MPP7: variants seen among roughly 807,000 people sequenced by gnomAD.
MPP7 encodes the protein MAGUK p55 subfamily member 7.
In MPP7, 60 loss-of-function variants were observed where a neutral mutation model predicts 76.5. That is an observed-to-expected ratio of 0.78 (90% CI 0.64 to 0.97). MPP7 has a LOEUF of 0.97. Among genes scored for constraint, MPP7 ranks in the 50% least tolerant of loss-of-function variants. MPP7 has a pLI of 0.00. For synonymous variants in MPP7, 237 were observed against 244.5 expected, an observed-to-expected ratio of 0.97 and a Z score of 0.29; for missense variants, 641 against 694.0, an observed-to-expected ratio of 0.92 and a Z score of 0.86.
At chr10:28,152,385 T>C (rs1835912695) in intron 3 of MPP7, among the ~76,000 whole-genome samples, 1 of 152,224 alleles carries the variant, frequency 6.6e-6, no homozygotes, top group Non-Finnish European at 1.5e-5. Flanking sequence ...CTCTAAATAA[T>C]TTTGAGCTGT....
intron 1 of MPP7, among the ~76,000 whole-genome samples, chr10:28,302,636 C>T (rs1841188421): frequency 6.6e-6 from 1 of 152,022 alleles, no homozygotes; most frequent in South Asian, 2.1e-4. Context: ...CCTCAGGGTC[C>T]CGCCCGAGGC....
At chr10:28,333,424 C>T (rs756842254) in intron 1 of MPP7, among the ~76,000 whole-genome samples, 2 of 152,202 alleles carry the variant, frequency 1.3e-5, no homozygotes, top group South Asian at 2.1e-4. Flanking sequence ...GGATTACAGG[C>T]GTGAGCCACT....
At position 28,149,984 on chromosome 10, in the gene MPP7, C is replaced by T. The variant is rs773689377; in HGVS notation, c.232G>A (p.Asp78Asn). 4.3e-6 allele frequency: 7 copies of T among 1,612,738 alleles called. No homozygotes were observed. The Admixed American group carries it at 1.2e-4, about 27-fold the overall frequency. ...TGAGCTCGGAGAGTCACACTTACAT[C>T]ATCGGCCAAGGCCGCCGCACCATGG... Reference protein sequence around the residue: ...ILHGAAALADDLAEELQNKPL... With the variant: ...ILHGAAALADNLAEELQNKPL... Residue 78 changes from aspartate (D) to asparagine (N), a missense_variant and splice_region_variant, in exon 4 of 17, where the codon GAT becomes AAT. Transcript: ENST00000683449.
intron 1 of MPP7, among the ~76,000 whole-genome samples, chr10:28,333,493 C>A (rs901942717): frequency 6.6e-6 from 1 of 152,158 alleles, no homozygotes; most frequent in Non-Finnish European, 1.5e-5. Context: ...GTTTAGCACA[C>A]ATCATAAATT....
chr10:28,160,492 C>G (rs1016940429), intron 3 of MPP7, among the ~76,000 whole-genome samples: 1 of 152,030 alleles, frequency 6.6e-6, no homozygotes, highest in Non-Finnish European at 1.5e-5. Context: ...GTACAGATGC[C>G]AACTCAGTGA....
chr10:28,119,042 AAAG>A (rs1472283924), intron 11 of MPP7: 2 of 985,294 alleles, frequency 2.0e-6, no homozygotes, highest in African/African-American at 3.5e-5. Flanking sequence ...GAAATAAAGA[AAAG>A]CTGACAGAAG....
upstream of MPP7, among the ~76,000 whole-genome samples, chr10:28,306,490 A>T (rs1313090366): frequency 2.6e-5 from 4 of 152,038 alleles, no homozygotes; most frequent in African/African-American, 9.7e-5. Context: ...TTTACAAAAA[A>T]TTTAAAAATT....
intron 3 of MPP7, among the ~76,000 whole-genome samples, chr10:28,151,442 G>A (rs1036191686): frequency 6.6e-6 from 1 of 152,072 alleles, no homozygotes; most frequent in Non-Finnish European, 1.5e-5. Flanking sequence ...AATAATTATC[G>A]AGAATTAAGA....
chr10:28,220,288 T>A (rs1838456929), intron 2 of MPP7, among the ~76,000 whole-genome samples: 2 of 152,162 alleles, frequency 1.3e-5, no homozygotes, highest in South Asian at 2.1e-4. Context: ...GTAGTTTGAT[T>A]TTTAGCAGTA....
Position 28,059,646 on chromosome 10 carries a change from A to C in MPP7, c.1298+4T>G. On this transcript the variant is annotated splice_donor_region_variant and intron_variant, in intron 14 of 16. Transcript: ENST00000683449. ...CATGAAAATTCTCAAAAATGTCCAC[A>C]TACTTGTTATTTTGTACATCTGTCT... is the stretch of plus-strand genomic sequence containing the variant. 1.2e-6 allele frequency: 2 copies of C among 1,606,016 alleles called. No homozygotes were observed. The highest frequency in any genetic ancestry group is 8.5e-7 in the Non-Finnish European group (1 of 1,173,150).
At chr10:28,329,630 CAAAAAAA>C (rs10547710) in intron 2 of MPP7, among the ~76,000 whole-genome samples, 2 of 106,282 alleles carry the variant, frequency 1.9e-5, no homozygotes, top group African/African-American at 3.5e-5. Context: ...GACTCCGTCT[CAAAAAAA>C]AAAAAAAAAA....
intron 3 of MPP7, among the ~76,000 whole-genome samples, chr10:28,182,194 A>AGCCG (rs1554847374): frequency 6.6e-6 from 1 of 151,364 alleles, no homozygotes; most frequent in Non-Finnish European, 1.5e-5. Context: ...CAAAAAAAAT[A>AGCCG]GCAAAGGATA....
intron 13 of MPP7, among the ~76,000 whole-genome samples, chr10:28,066,844 A>G (rs2133353862): frequency 6.6e-6 from 1 of 152,294 alleles, no homozygotes; most frequent in South Asian, 2.1e-4. Context: ...CATGTAGTTG[A>G]AGATTGTTCA....
intron 1 of MPP7, among the ~76,000 whole-genome samples, chr10:28,274,335 G>A (rs1424219396): frequency 6.6e-6 from 1 of 151,408 alleles, no homozygotes. Context: ...TCCTGACCTC[G>A]TGATCCGCCC....
intron 3 of MPP7, among the ~76,000 whole-genome samples, chr10:28,191,623 G>T (rs996115281): frequency 7.9e-5 from 12 of 152,118 alleles, no homozygotes; most frequent in Admixed American, 2.6e-4. Flanking sequence ...ATCTGCAAAT[G>T]TCCCAAAATT....
intron 3 of MPP7, among the ~76,000 whole-genome samples, chr10:28,176,252 A>G (rs964791077): frequency 6.6e-6 from 1 of 151,940 alleles, no homozygotes; most frequent in Non-Finnish European, 1.5e-5. Context: ...CTTAAAATAT[A>G]CAGGGGCAGG....
At chr10:28,334,263 G>A (rs1834496318) in intron 1 of MPP7, among the ~76,000 whole-genome samples, 1 of 151,930 alleles carries the variant, frequency 6.6e-6, no homozygotes, top group Non-Finnish European at 1.5e-5. Flanking sequence ...GAAAATGAAA[G>A]ATGAAAAATT....
Position 28,161,803 on chromosome 10 carries a change from T to C in MPP7, c.157-11744A>G, listed in dbSNP as rs116844694. 8.7e-3 allele frequency among the ~76,000 whole-genome samples: 1,319 copies of C among 152,318 alleles called. 19 individuals carry two copies. Among genetic ancestry groups the C allele is most frequent in the East Asian group, 0.053 (276 of 5,184 alleles). On this transcript the variant is annotated intron_variant, in intron 3 of 16. Transcript: ENST00000683449. ...AATTCTAATTCAAATAGATTCTAAG[T>C]CCTTAGAATCATATGGCTATACGTT...
chr10:28,275,424 T>TTTTTC (rs2133059551), intron 1 of MPP7, among the ~76,000 whole-genome samples: 1 of 151,648 alleles, frequency 6.6e-6, no homozygotes, highest in East Asian at 1.9e-4. Context: ...TTTTTTTTTT[T>TTTTTC]CATACAGAGT....
Sources: allele counts gnomAD v4.1 joint callset (sites outside exome capture counted in the v4.1 genomes callset), GRCh38; gene constraint gnomAD v4.1.1; transcripts MANE v1.5; gene names NCBI Gene and HGNC (gene_info 2026-07-23, HGNC 2026-07-21).